Variants in MVD observed in about 807,000 individuals in gnomAD.
MVD encodes the protein mevalonate diphosphate decarboxylase.
In MVD, 52 loss-of-function variants were observed where a neutral mutation model predicts 42.4. The ratio of observed to expected loss-of-function variants is 1.23; its 90% CI spans 0.98 to 1.55. The LOEUF is 1.55. Ranked by LOEUF, MVD falls within the 40% of genes most tolerant of loss-of-function variation. The pLI, the probability that MVD is intolerant of heterozygous loss-of-function variation, is 0.00. For synonymous variants in MVD, 287 were observed against 243.2 expected (o/e 1.18, Z -1.68); for missense variants, 663 against 572.1 (o/e 1.16, Z -1.62).
intron 8 of MVD, chr16:88,653,643 G>A (rs1907720361): frequency 4.1e-6 from 2 of 493,708 alleles, no homozygotes; most frequent in African/African-American, 2.0e-5. Context: ...AACACCGCAG[G>A]ATTATATGCT....
intron 1 of MVD, among the ~76,000 whole-genome samples, chr16:88,661,404 G>A (rs1390042364): frequency 2.6e-5 from 4 of 151,898 alleles, no homozygotes; most frequent in East Asian, 3.8e-4. Context: ...TTTTTTTTCA[G>A]TAGAGACGGG....
At chr16:88,652,631 C>CG in intron 9 of MVD, 26 bp from the exon 10 acceptor site, 2 of 1,544,248 alleles carry the variant, frequency 1.3e-6, no homozygotes, top group Non-Finnish European at 1.8e-6. Context: ...CATGTCAGGT[C>CG]ACCAGGAATG....
chr16:88,657,212 C>T (rs768618432), intron 4 of MVD: 3 of 718,978 alleles, frequency 4.2e-6, no homozygotes, highest in Non-Finnish European at 7.4e-6. Flanking sequence ...CTCTTAAGTA[C>T]TGGGATTACA....
intron 4 of MVD, chr16:88,657,080 G>T: frequency 4.6e-6 from 2 of 430,580 alleles, no homozygotes; most frequent in Non-Finnish European, 8.9e-6. Flanking sequence ...TGACAATCTA[G>T]AGGGGCTCCA....
intron 8 of MVD, 42 bp downstream of exon 8, chr16:88,654,650 C>A (rs1389020474): frequency 1.3e-6 from 2 of 1,567,750 alleles, no homozygotes; most frequent in Admixed American, 2.0e-5. Context: ...GAGTTCCTGG[C>A]ACCATCTCCC....
Position 88,657,989 on chromosome 16 carries a change from G to T in MVD, c.182C>A (p.Thr61Asn), listed in dbSNP as rs202087443. 1.7e-4 allele frequency: 276 copies of T among 1,614,080 alleles called. 2 individuals are homozygous for T. The East Asian group carries it at 5.9e-3, about 34-fold the overall frequency. The stretch of plus-strand genomic sequence containing the variant: ...GCCATTCAGCCAAATCCGGTCCTCG[G>T]TGAAGTCCTTGCTGATGACGGCTGT... ...TTTAVISKDF[T>N]EDRIWLNGRE... The change falls in exon 3 of 10, where the codon ACC becomes AAC. Residue 61 changes from threonine to asparagine, a missense_variant. By Grantham distance (65) the Thr-to-Asn change is moderately conservative. Coordinates refer to ENST00000301012, the MANE Select transcript of MVD (RefSeq NM_002461.3).
intron 8 of MVD, among the ~76,000 whole-genome samples, chr16:88,654,482 G>A (rs1264126392): frequency 2.0e-5 from 3 of 152,198 alleles, no homozygotes; most frequent in Non-Finnish European, 4.4e-5. Flanking sequence ...GCTCACACAC[G>A]CGTGAGCGGC....
intron 7 of MVD, 91 bp downstream of exon 7, chr16:88,655,108 C>G: frequency 7.1e-7 from 1 of 1,404,676 alleles, no homozygotes; most frequent in Non-Finnish European, 9.7e-7. Context: ...GATTGCCCTG[C>G]ACGCGAGCCC....
Position 88,653,424 on chromosome 16 carries a change from A to C in MVD, c.1014-16T>G, listed in dbSNP as rs1907707716. The C allele has an allele frequency of 6.3e-7, 1 of 1,597,756 alleles. No individual in the cohort carries two copies. The highest frequency in any genetic ancestry group is 2.3e-5 in the East Asian group (1 of 44,396). ...CTTCAGAAACCTGGAAAAGCAGGGC[A>C]GGGGCACGGTGAATGCATCCGTTTC... is the stretch of plus-strand genomic sequence containing the variant. On this transcript the variant is annotated splice_polypyrimidine_tract_variant and intron_variant, in intron 8 of 9. Transcript: ENST00000301012.
intron 3 of MVD, 83 bp downstream of exon 3, chr16:88,657,832 G>T: frequency 7.0e-7 from 1 of 1,426,624 alleles, no homozygotes. Context: ...GCCTCAGGAG[G>T]GGCACAGAGG....
chr16:88,657,191 C>T (rs775552554), intron 4 of MVD: 2 of 679,640 alleles, frequency 2.9e-6, no homozygotes, highest in South Asian at 1.5e-5. Flanking sequence ...CAGTGCTTCT[C>T]CCCCATCAGC....
intron 1 of MVD, chr16:88,658,986 TC>T: frequency 2.2e-6 from 1 of 461,010 alleles, no homozygotes; most frequent in South Asian, 2.1e-5. Context: ...TACTCCAGCA[TC>T]CGTGAGTGCC....
At chr16:88,653,806 C>A (rs1375308652) in intron 8 of MVD, among the ~76,000 whole-genome samples, 1 of 152,108 alleles carries the variant, frequency 6.6e-6, no homozygotes, top group Non-Finnish European at 1.5e-5. Context: ...CCGTGTTCTG[C>A]AGAACAGCGG....
chr16:88,662,575 C>G (rs1597384879), intron 1 of MVD: 1 of 834,376 alleles, frequency 1.2e-6, no homozygotes, highest in Non-Finnish European at 1.6e-6. Context: ...GGGAGGGACA[C>G]AGGGTCTCGG....
chr16:88,652,442 G>T lies in MVD; in HGVS notation c.*83C>A. 6.9e-7 allele frequency: 1 copy of T among 1,450,960 alleles called. No individual in the cohort carries two copies. Among genetic ancestry groups the T allele is most frequent in the Non-Finnish European group, 9.4e-7 (1 of 1,058,814 alleles). 89.9% of individuals were successfully genotyped at this position (1,450,960 alleles called of 1,614,324 possible). A position where few individuals can be genotyped will look rare whatever the true frequency, so the allele number is the denominator to read the frequency against. Reference sequence around the variant, plus strand: ...AAGCCACCACCCACATGTCCCAGGAGTCCGGCCAGCCCACCACATCCGCTC... The same window carrying T: ...AAGCCACCACCCACATGTCCCAGGATTCCGGCCAGCCCACCACATCCGCTC... On this transcript the variant is annotated 3_prime_UTR_variant, in exon 10 of 10. Coordinates refer to ENST00000301012, the MANE Select transcript of MVD (RefSeq NM_002461.3).
chr16:88,653,193 C>T (rs1907686879), intron 9 of MVD, 107 bp downstream of exon 9: 22 of 824,984 alleles, frequency 2.7e-5, no homozygotes, highest in Non-Finnish European at 2.3e-5. Context: ...GCCTGAGACA[C>T]GGTAGGGACA....
chr16:88,656,141 C>G lies in MVD; in HGVS notation c.567G>C (p.Glu189Asp). The G allele has an allele frequency of 6.2e-7, 1 of 1,602,072 alleles. No homozygotes were observed. Residue 189 changes from glutamate to aspartate, a missense_variant, in exon 5 of 10, where the codon GAG (glutamate) becomes GAC (aspartate). By Grantham distance (45) the Glu-to-Asp change is conservative (BLOSUM62 2). Transcript: ENST00000301012. ...KDSIARQVAP[E>D]SHWPELRVLI... ...GCACGCGGAGTTCAGGCCAGTGTGACTCGGGGGCCACTTGCCGAGCGATGC... is the reference window on the plus strand; with the variant it reads ...GCACGCGGAGTTCAGGCCAGTGTGAGTCGGGGGCCACTTGCCGAGCGATGC...
In MVD at chr16:88,658,740, C is replaced by T. The variant is rs1429715532; in HGVS notation, c.71-20G>A. On this transcript the variant is annotated intron_variant, in intron 1 of 9. Transcript: ENST00000301012. The stretch of plus-strand genomic sequence containing the variant: ...TGCCCCCTGTAATGAACAGCCAGGG[C>T]CAGGCCGGTGGGCTTCCCGGCCCAC... 6.2e-7 allele frequency: 1 copy of T among 1,602,864 alleles called. No homozygotes were observed. Among genetic ancestry groups the T allele is most frequent in the African/African-American group, 1.3e-5 (1 of 74,624 alleles).
At chr16:88,658,817 T>G (rs1908110504) in intron 1 of MVD, 97 bp from the exon 2 acceptor site, 21 of 672,966 alleles carry the variant, frequency 3.1e-5, no homozygotes, top group African/African-American at 6.4e-5. Flanking sequence ...ACGGCCCCCA[T>G]CCGCCTCAGT....
Sources: gnomAD v4.1 joint callset for allele counts (sites outside exome capture counted in the v4.1 genomes callset) on GRCh38, gnomAD v4.1.1 for gene constraint, MANE v1.5 for transcripts, NCBI Gene and HGNC (gene_info 2026-07-23, HGNC 2026-07-21) for gene names.